The following PHIP variants were observed in gnomAD, a reference collection of about 807,000 sequenced individuals.
PHIP encodes PHIP subunit of CUL4-Ring ligase complex.
PHIP carries 54 observed loss-of-function variants against 236.8 expected under a neutral mutation model. The observed-to-expected ratio is 0.23, with a 90% CI of 0.18 to 0.29. PHIP has a LOEUF of 0.29. Ranked by LOEUF, PHIP falls within the 10% of genes least tolerant of loss-of-function variation. The pLI, the probability that PHIP is intolerant of heterozygous loss-of-function variation, is 1.00. For missense variants in PHIP, 1,370 were observed against 2,190.8 expected (o/e 0.63, Z 7.48); for synonymous variants, 756 against 718.9 (o/e 1.05, Z -0.83).
intron 6 of PHIP, among the ~76,000 whole-genome samples, chr6:79,058,726 C>G (rs1297357312): frequency 1.3e-5 from 2 of 152,026 alleles, no homozygotes; most frequent in African/African-American, 4.8e-5. Context: ...GTCTGGCATA[C>G]AGGAATTACT....
intron 9 of PHIP, among the ~76,000 whole-genome samples, chr6:79,020,851 G>A (rs1264808068): frequency 1.3e-5 from 2 of 152,060 alleles, no homozygotes; most frequent in Non-Finnish European, 2.9e-5. Context: ...TGATTCTCCT[G>A]CCTCAACTTA....
At chr6:79,059,846 C>A (rs936204366) in intron 6 of PHIP, among the ~76,000 whole-genome samples, 1 of 151,514 alleles carries the variant, frequency 6.6e-6, no homozygotes. Context: ...ATCTTAACCT[C>A]TTTATACTAT....
At chr6:78,981,576 G>A (rs1768537610) in intron 23 of PHIP, among the ~76,000 whole-genome samples, 1 of 151,938 alleles carries the variant, frequency 6.6e-6, no homozygotes, top group Non-Finnish European at 1.5e-5. Context: ...GGAGCCCATG[G>A]TATTAGTTTG....
chr6:78,987,180 C>T (rs912729490), intron 21 of PHIP, among the ~76,000 whole-genome samples: 6 of 151,938 alleles, frequency 3.9e-5, no homozygotes, highest in Non-Finnish European at 7.4e-5. Flanking sequence ...AAATACAGTT[C>T]TTAAGTTTCT....
In PHIP at chr6:78,970,124, G is replaced by C; in HGVS notation, c.3047C>G (p.Pro1016Arg). Reference sequence around the variant, plus strand: ...AGCAAGTTTAAGGCAGCAAAGGGTAGGTAATCCCACTTCATACTTTATGCC... The same window carrying C: ...AGCAAGTTTAAGGCAGCAAAGGGTACGTAATCCCACTTCATACTTTATGCC... ...IVGIKYEVGL[P>R]TLCCLKLAFL... The change falls in exon 26 of 40, where the codon CCT (proline) becomes CGT (arginine). Residue 1016 changes from proline to arginine, a missense_variant. By Grantham distance (103) the Pro-to-Arg change is moderately radical. Around this residue, in one of 14 missense-constraint regions of PHIP, gnomAD observed 238 missense variants for 398.5 expected, o/e 0.60. Coordinates refer to ENST00000275034, the MANE Select transcript of PHIP (RefSeq NM_017934.7). The C allele has an allele frequency of 6.2e-7, 1 of 1,611,848 alleles. No individual in the cohort carries two copies. The highest frequency in any genetic ancestry group is 8.5e-7 in the Non-Finnish European group (1 of 1,178,134).
chr6:78,962,296 C>A (rs1164356874), intron 30 of PHIP, among the ~76,000 whole-genome samples: 3 of 151,992 alleles, frequency 2.0e-5, no homozygotes, highest in Non-Finnish European at 4.4e-5. Context: ...TGATACTGAC[C>A]CAATACACAC....
chr6:79,017,305 C>A (rs1270294004), intron 12 of PHIP, 41 bp downstream of exon 12: 4 of 1,196,790 alleles, frequency 3.3e-6, no homozygotes, highest in African/African-American at 1.6e-5. Context: ...GTCTTTATTT[C>A]ATAATTTTAA....
chr6:79,013,220 A>C (rs1431674685), intron 15 of PHIP, among the ~76,000 whole-genome samples: 1 of 151,734 alleles, frequency 6.6e-6, no homozygotes, highest in East Asian at 1.9e-4. Context: ...AAGGAGGTAA[A>C]ATATGTGGGA....
intron 7 of PHIP, among the ~76,000 whole-genome samples, chr6:79,038,691 C>T (rs985318729): frequency 5.9e-5 from 9 of 151,970 alleles, no homozygotes; most frequent in African/African-American, 1.9e-4. Flanking sequence ...AAGTTTCAGC[C>T]TTCTTACATT....
intron 7 of PHIP, among the ~76,000 whole-genome samples, chr6:79,026,814 A>T (rs1050283175): frequency 6.6e-6 from 1 of 151,808 alleles, no homozygotes; most frequent in African/African-American, 2.4e-5. Flanking sequence ...GCCAAAATAG[A>T]GATAGAACAT....
intron 31 of PHIP, among the ~76,000 whole-genome samples, chr6:78,961,155 G>A (rs192650112): frequency 2.6e-5 from 4 of 152,074 alleles, no homozygotes; most frequent in Admixed American, 2.0e-4. Context: ...TTGAAATTAT[G>A]CCTGGGCCAT....
chr6:79,050,946 C>A (rs1772761369), intron 6 of PHIP, among the ~76,000 whole-genome samples: 1 of 152,118 alleles, frequency 6.6e-6, no homozygotes, highest in South Asian at 2.1e-4. Flanking sequence ...AGGCCATCAA[C>A]TTTGTTGTAA....
intron 29 of PHIP, among the ~76,000 whole-genome samples, chr6:78,965,466 T>G (rs1277354572): frequency 6.6e-6 from 1 of 152,180 alleles, no homozygotes; most frequent in Non-Finnish European, 1.5e-5. Context: ...ATAAAACAAT[T>G]TCATGTTTTG....
intron 6 of PHIP, among the ~76,000 whole-genome samples, chr6:79,058,275 T>C (rs867770290): frequency 3.3e-5 from 5 of 152,108 alleles, no homozygotes; most frequent in Admixed American, 1.3e-4. Context: ...TACGTATATA[T>C]AGGGTTCTGT....
Position 78,946,721 on chromosome 6 carries a change from C to T in PHIP, c.4360G>A (p.Ala1454Thr). The T allele has an allele frequency of 6.4e-7, 1 of 1,565,916 alleles. No individual in the cohort carries two copies. Among genetic ancestry groups the T allele is most frequent in the Non-Finnish European group, 8.6e-7 (1 of 1,164,642 alleles). ...RNRSSSVSSS[A>T]ASSPERKKRI... ...AAAGAAATTAAATACCTTGATGCAG[C>T]ACTACTGGAAACAGAGCTGCTTCTG... Residue 1454 changes from alanine to threonine, a missense_variant, in exon 37 of 40, where the codon GCT becomes ACT. Transcript: ENST00000275034.
chr6:78,986,857 T>C (rs1049455369), intron 21 of PHIP, among the ~76,000 whole-genome samples: 1 of 152,218 alleles, frequency 6.6e-6, no homozygotes, highest in African/African-American at 2.4e-5. Flanking sequence ...TTAACAAATT[T>C]AATCACTGCT....
chr6:79,029,491 T>C lies in PHIP; in HGVS notation c.601-3327A>G, dbSNP rs13218541. 4.8e-3 allele frequency among the ~76,000 whole-genome samples: 735 copies of C among 152,200 alleles called. 5 individuals are homozygous for C. The highest frequency in any genetic ancestry group is 0.02 in the South Asian group (94 of 4,816). ...AAAAATTAAATGTATTGGGAAAAAA[T>C]GTTTAAAGCACTATAAATGTGTTTT... is the stretch of plus-strand genomic sequence containing the variant. On this transcript the variant is annotated intron_variant, in intron 7 of 39. Coordinates refer to ENST00000275034, the MANE Select transcript of PHIP (RefSeq NM_017934.7).
chr6:78,946,895 T>C (rs1009201231), intron 36 of PHIP, 21 bp from the exon 37 acceptor site: 23 of 1,494,982 alleles, frequency 1.5e-5, no homozygotes, highest in African/African-American at 8.8e-5. Context: ...AAAAAAAAAG[T>C]GTTCAACCAT....
In PHIP at chr6:79,006,238, CTATT is replaced by C. The variant is rs1582210403; in HGVS notation, c.1525-2384_1525-2381del. On this transcript the variant is annotated intron_variant, in intron 15 of 39. Coordinates refer to ENST00000275034, the MANE Select transcript of PHIP (RefSeq NM_017934.7). ...CTTCATCAATTAAAAGACCAACTCTCTATTTATTAATAGATCCTCAGACAATAAA... is the reference window on the plus strand; with the variant it reads ...CTTCATCAATTAAAAGACCAACTCTCTATTAATAGATCCTCAGACAATAAA... Among the ~76,000 whole-genome samples, 3 of 152,082 alleles carry C rather than the reference CTATT, an allele frequency of 2.0e-5. No individual in the cohort carries two copies. The East Asian group carries it at 5.8e-4, about 29-fold the overall frequency.
Sources: allele counts gnomAD v4.1 joint callset (sites outside exome capture counted in the v4.1 genomes callset), GRCh38; gene constraint gnomAD v4.1.1; regional missense constraint gnomAD v4.1.1; transcripts MANE v1.5; gene names NCBI Gene and HGNC (gene_info 2026-07-23, HGNC 2026-07-21).